The following PDE2A variants were observed in gnomAD, a reference collection of about 807,000 sequenced individuals.
PDE2A encodes the protein cGMP-dependent 3',5'-cyclic phosphodiesterase.
Under a neutral mutation model 133.6 loss-of-function variants are expected in PDE2A, and 53 were observed. The observed-to-expected ratio is 0.40, with a 90% CI of 0.32 to 0.50. The LOEUF is 0.50. PDE2A is among the 20% of genes least tolerant of loss of function. The probability of loss-of-function intolerance (pLI) is 0.73; values close to 1 mark genes in which losing one functional copy is unlikely to be tolerated. For synonymous variants in PDE2A, 491 were observed against 490.2 expected (o/e 1.00, Z -0.02); for missense variants, 796 against 1,232.4 (o/e 0.65, Z 5.30).
chr11:72,630,792 C>T (rs1451682541), intron 2 of PDE2A, among the ~76,000 whole-genome samples: 1 of 151,804 alleles, frequency 6.6e-6, no homozygotes, highest in East Asian at 1.9e-4. Context: ...GGCAGAGAAT[C>T]AACGGGAATT....
chr11:72,656,390 G>T (rs1164984530), intron 1 of PDE2A, among the ~76,000 whole-genome samples: 5 of 152,172 alleles, frequency 3.3e-5, no homozygotes, highest in African/African-American at 7.2e-5. Context: ...GGGGGCCCTT[G>T]CCTCCTGTAG....
At chr11:72,612,301 A>G (rs1478432627) in intron 2 of PDE2A, among the ~76,000 whole-genome samples, 2 of 151,746 alleles carry the variant, frequency 1.3e-5, no homozygotes, top group Non-Finnish European at 2.9e-5. Context: ...ACACACACAC[A>G]CACACACACA....
At chr11:72,617,148 G>A (rs1478938568) in intron 2 of PDE2A, among the ~76,000 whole-genome samples, 3 of 152,250 alleles carry the variant, frequency 2.0e-5, no homozygotes, top group African/African-American at 4.8e-5. Context: ...CCTCTCAGAT[G>A]TCGGGTAAGG....
At chr11:72,613,884 A>C (rs1377209317) in intron 2 of PDE2A, among the ~76,000 whole-genome samples, 1 of 152,176 alleles carries the variant, frequency 6.6e-6, no homozygotes, top group East Asian at 1.9e-4. Flanking sequence ...CCCAGAGGAC[A>C]GGGCCCTTCA....
chr11:72,617,382 A>G (rs1344633738), intron 2 of PDE2A, among the ~76,000 whole-genome samples: 1 of 152,210 alleles, frequency 6.6e-6, no homozygotes, highest in Non-Finnish European at 1.5e-5. Flanking sequence ...AGCAGGGCAC[A>G]GAGGCTGGCT....
intron 21 of PDE2A, 190 bp downstream of exon 21, chr11:72,582,253 TC>T: frequency 1.6e-6 from 1 of 642,540 alleles, no homozygotes; most frequent in Non-Finnish European, 2.7e-6. Context: ...GATCATCCAG[TC>T]CAGCCTCTAG....
chr11:72,670,501 C>T (rs552082271), intron 1 of PDE2A, among the ~76,000 whole-genome samples: 18 of 152,164 alleles, frequency 1.2e-4, no homozygotes, highest in African/African-American at 4.1e-4. Flanking sequence ...ACGTACAGCC[C>T]ACTCTCATAA....
At chr11:72,614,956 T>C in intron 2 of PDE2A, 1 of 336,980 alleles carries the variant, frequency 3.0e-6, no homozygotes, top group Non-Finnish European at 7.2e-6. Flanking sequence ...AGACCTTTCC[T>C]CCTCCCTCTT....
At chr11:72,598,544 A>C (rs1275373004) in intron 4 of PDE2A, 2 of 1,289,010 alleles carry the variant, frequency 1.6e-6, no homozygotes, top group Non-Finnish European at 2.0e-6. Flanking sequence ...TTGATGATTA[A>C]TTGTCCTGGG....
intron 2 of PDE2A, among the ~76,000 whole-genome samples, chr11:72,609,589 G>A (rs762419541): frequency 6.6e-5 from 10 of 152,148 alleles, no homozygotes; most frequent in Non-Finnish European, 7.3e-5. Flanking sequence ...GAGCCGGAAC[G>A]GAGACAAAAG....
At chr11:72,618,755 G>A (rs537295328) in intron 2 of PDE2A, among the ~76,000 whole-genome samples, 1 of 152,292 alleles carries the variant, frequency 6.6e-6, no homozygotes, top group East Asian at 1.9e-4. Flanking sequence ...GAGGCGATGG[G>A]CCTACGAGCC....
chr11:72,648,160 G>T (rs458437), intron 1 of PDE2A, among the ~76,000 whole-genome samples: 85,396 of 152,048 alleles, frequency 0.56, 25,291 homozygotes, highest in Middle Eastern at 0.78. Context: ...TCTCCTGAGG[G>T]TCCTCCAATA....
intron 2 of PDE2A, among the ~76,000 whole-genome samples, chr11:72,629,717 G>A (rs529161794): frequency 2.6e-5 from 4 of 152,284 alleles, no homozygotes; most frequent in Non-Finnish European, 4.4e-5. Flanking sequence ...TCTTACTCAG[G>A]GGCCGGGAAA....
At chr11:72,660,457 G>A (rs955214324) in intron 1 of PDE2A, among the ~76,000 whole-genome samples, 2 of 152,186 alleles carry the variant, frequency 1.3e-5, no homozygotes, top group Non-Finnish European at 2.9e-5. Context: ...GAGTGCATTT[G>A]CACATCCTTG....
chr11:72,592,997 C>G (rs1856320088), intron 6 of PDE2A, among the ~76,000 whole-genome samples: 1 of 152,044 alleles, frequency 6.6e-6, no homozygotes, highest in Non-Finnish European at 1.5e-5. Flanking sequence ...TTCCTTCCAC[C>G]TGGTCCCATC....
chr11:72,590,310 C>A lies in PDE2A; in HGVS notation c.704-66G>T, dbSNP rs1294273359. ...CACCTCCGTGTCCGGGTCCCTCAGGCGCCGCTCAGCTCCGCGCCGGGCCCG... is the reference window on the plus strand; with the variant it reads ...CACCTCCGTGTCCGGGTCCCTCAGGAGCCGCTCAGCTCCGCGCCGGGCCCG... On this transcript the variant is annotated intron_variant, in intron 8 of 30. Transcript: ENST00000334456. The surrounding 1 kb of genome is among the most constrained non-coding windows in gnomAD (Gnocchi z 4.8). The A allele has an allele frequency of 6.5e-7, 1 of 1,540,124 alleles. No individual in the cohort carries two copies. The highest frequency in any genetic ancestry group is 1.2e-5 in the South Asian group (1 of 83,782).
intron 1 of PDE2A, among the ~76,000 whole-genome samples, chr11:72,662,150 G>T (rs1855086300): frequency 6.6e-6 from 1 of 152,182 alleles, no homozygotes; most frequent in South Asian, 2.1e-4. Context: ...GGAGAAGCTG[G>T]GGCAGGGAGG....
Position 72,590,628 on chromosome 11 carries a change from C to G in PDE2A, c.550-48G>C. On this transcript the variant is annotated intron_variant, in intron 7 of 30. Transcript: ENST00000334456. The surrounding 1 kb of genome is among the most constrained non-coding windows in gnomAD (Gnocchi z 4.8). ...CGCGCCGCTCGCCCCAAGCTCGCTG[C>G]GCTTGCTGCAGCGGGATTCCTGCCT... is the stretch of plus-strand genomic sequence containing the variant. The G allele has an allele frequency of 7.5e-7, 1 of 1,325,644 alleles. No individual in the cohort carries two copies. The highest frequency in any genetic ancestry group is 9.6e-7 in the Non-Finnish European group (1 of 1,041,722). The allele number at this position is 1,325,644 out of a possible 1,614,324, so 82.1% of individuals were successfully genotyped here.
At chr11:72,655,435 T>C (rs1449058962) in intron 1 of PDE2A, among the ~76,000 whole-genome samples, 1 of 152,130 alleles carries the variant, frequency 6.6e-6, no homozygotes, top group African/African-American at 2.4e-5. Context: ...CCCAGGTAGA[T>C]GGATGGTACA....
Sources: gnomAD v4.1 joint callset for allele counts (sites outside exome capture counted in the v4.1 genomes callset) on GRCh38, gnomAD v4.1.1 for gene constraint, Gnocchi (gnomAD v3.1) non-coding constraint, MANE v1.5 for transcripts, NCBI Gene and HGNC (gene_info 2026-07-23, HGNC 2026-07-21) for gene names.